The following POLI variants were observed in gnomAD, a reference collection of about 807,000 sequenced individuals.
POLI encodes DNA polymerase iota.
Under a neutral mutation model 51.6 loss-of-function variants are expected in POLI, and 58 were observed. The observed-to-expected ratio is 1.12, with a 90% confidence interval of 0.91 to 1.40. The LOEUF (loss-of-function observed/expected upper bound fraction) is 1.40. Ranked by LOEUF, POLI falls within the 40% of genes most tolerant of loss-of-function variation. The pLI, the probability that POLI is intolerant of heterozygous loss-of-function variation, is 0.00. For synonymous variants in POLI, 322 were observed against 299.7 expected, an observed-to-expected ratio of 1.07 and a Z score of -0.77; for missense variants, 921 against 871.3, an observed-to-expected ratio of 1.06 and a Z score of -0.72.
rs1599154963 is a variant in POLI, at chr18:54,272,715, A to G, written c.242-1211A>G. 2.0e-5 allele frequency among the ~76,000 whole-genome samples: 3 copies of G among 150,152 alleles called. No homozygotes were observed. In the South Asian group the frequency reaches 6.4e-4, roughly 32 times the overall value. On this transcript the variant is annotated intron_variant, in intron 2 of 9. Transcript: ENST00000579534. ...TCGTATGCTTGAATTCAGGCGATCC[A>G]CCTGCCTTGGCCTCCCAAAGTGCGG...
At chr18:54,289,058 G>A (rs2087874626) in intron 8 of POLI, among the ~76,000 whole-genome samples, 1 of 151,972 alleles carries the variant, frequency 6.6e-6, no homozygotes. Flanking sequence ...ATGTATTGTA[G>A]CAACTCTGGA....
chr18:54,274,054 C>T lies in POLI; in HGVS notation c.370C>T (p.Leu124=), dbSNP rs753085236. Reference sequence around the variant, plus strand: ...GTTGGTATTAGTTAATGGAGAAGACCTGACCCGCTACAGAGAAATGTCTTA... The same window carrying T: ...GTTGGTATTAGTTAATGGAGAAGACTTGACCCGCTACAGAGAAATGTCTTA... ...PQLVLVNGED[L]TRYREMSYKV... is the part of the protein sequence containing the mutation. The change falls in exon 3 of 10, where the codon CTG becomes TTG. Residue 124 remains leucine, a synonymous_variant. Transcript: ENST00000579534. 61 of 1,517,712 alleles carry T rather than the reference C, an allele frequency of 4.0e-5. No homozygotes were observed. In the Admixed American group the frequency reaches 5.2e-4, roughly 13 times the overall value. 94.0% of individuals were successfully genotyped at this position (1,517,712 alleles called of 1,614,324 possible).
At chr18:54,269,971 A>G in intron 1 of POLI, 2 of 1,135,488 alleles carry the variant, frequency 1.8e-6, no homozygotes, top group Non-Finnish European at 2.2e-6. Flanking sequence ...CGAAAACTGC[A>G]GAGGCTTCTG....
rs73487916 is a variant in POLI, at chr18:54,286,597, T to C, written c.1068-684T>C. On this transcript the variant is annotated intron_variant, in intron 7 of 9. Transcript: ENST00000579534. ...AAGTTCTTTTGTTATTTTTCACTTA[T>C]TTGCTTTTGTCAGTGAATGATTCAG... Among the ~76,000 whole-genome samples, 1,153 of 152,272 alleles carry C rather than the reference T, an allele frequency of 7.6e-3. 15 individuals are homozygous for C. Among genetic ancestry groups the C allele is most frequent in the African/African-American group, 0.026 (1,094 of 41,544 alleles).
At chr18:54,276,400 A>G (rs1181910046) in intron 3 of POLI, among the ~76,000 whole-genome samples, 1 of 152,120 alleles carries the variant, frequency 6.6e-6, no homozygotes, top group Admixed American at 6.6e-5. Flanking sequence ...GGACGGGATA[A>G]TTAGGGATTT....
intron 2 of POLI, among the ~76,000 whole-genome samples, chr18:54,273,556 T>C (rs1333084047): frequency 6.6e-6 from 1 of 152,086 alleles, no homozygotes; most frequent in Non-Finnish European, 1.5e-5. Flanking sequence ...ATGTAATACA[T>C]AGATTGCCTT....
At chr18:54,271,595 T>TAAGAAC in intron 2 of POLI, 110 bp downstream of exon 2, 2 of 750,050 alleles carry the variant, frequency 2.7e-6, no homozygotes, top group Non-Finnish European at 4.1e-6. Flanking sequence ...TTGGAAGCAG[T>TAAGAAC]TCTTACAGTG....
At chr18:54,280,615 A>G (rs999491405) in intron 4 of POLI, 52 bp from the exon 5 acceptor site, 18 of 1,256,614 alleles carry the variant, frequency 1.4e-5, no homozygotes, top group African/African-American at 7.5e-5. Context: ...TATTTTGTGA[A>G]AAAGAAAAAG....
chr18:54,317,269 G>C (rs1373570511), intron 3 of POLI, among the ~76,000 whole-genome samples: 1 of 152,136 alleles, frequency 6.6e-6, no homozygotes, highest in African/African-American at 2.4e-5. Context: ...TCCTTTCTCA[G>C]ATAACCCACA....
At chr18:54,309,383 C>T (rs933771728) in intron 3 of POLI, among the ~76,000 whole-genome samples, 6 of 152,192 alleles carry the variant, frequency 3.9e-5, no homozygotes, top group South Asian at 2.1e-4. Context: ...GGGTCCACTC[C>T]AGACCCTGTT....
intron 2 of POLI, chr18:54,272,194 A>G (rs1239856752): frequency 6.6e-6 from 1 of 152,166 alleles, no homozygotes; most frequent in African/African-American, 2.4e-5. Context: ...AATCCAGCCT[A>G]GCTGATTTAC....
At chr18:54,289,866 A>T (rs908679398) in intron 8 of POLI, among the ~76,000 whole-genome samples, 1 of 152,214 alleles carries the variant, frequency 6.6e-6, no homozygotes, top group Non-Finnish European at 1.5e-5. Context: ...AACTGAAATC[A>T]TAAAAACCCT....
intron 3 of POLI, among the ~76,000 whole-genome samples, chr18:54,307,081 C>G (rs2088598733): frequency 6.6e-6 from 1 of 152,162 alleles, no homozygotes; most frequent in Non-Finnish European, 1.5e-5. Flanking sequence ...TTTTGTGTCT[C>G]TATCTCCTTC....
intron 3 of POLI, among the ~76,000 whole-genome samples, chr18:54,276,343 G>T (rs1440248573): frequency 5.9e-5 from 9 of 152,156 alleles, no homozygotes; most frequent in African/African-American, 1.7e-4. Context: ...CTGGGCAACA[G>T]TGAGACCCTG....
chr18:54,281,138 G>A (rs1161437471), intron 5 of POLI, among the ~76,000 whole-genome samples: 2 of 152,082 alleles, frequency 1.3e-5, no homozygotes, highest in East Asian at 1.9e-4. Context: ...ATCTACTTTT[G>A]TATGGTTAGA....
At position 54,286,246 on chromosome 18, in the gene POLI, G is replaced by T. The variant is rs3730763; in HGVS notation, c.1068-1035G>T. On this transcript the variant is annotated intron_variant, in intron 7 of 9. Coordinates refer to ENST00000579534, the MANE Select transcript of POLI (RefSeq NM_007195.3). ...TACTTGCATTTTATGTTTGAGATTTGGTTTTATATGCATTGCCATGTGTAT... is the reference window on the plus strand; with the variant it reads ...TACTTGCATTTTATGTTTGAGATTTTGTTTTATATGCATTGCCATGTGTAT... Among the ~76,000 whole-genome samples the T allele has an allele frequency of 4.5e-3, 681 of 152,098 alleles. 6 individuals carry two copies. The highest frequency in any genetic ancestry group is 0.016 in the African/African-American group (649 of 41,478).
chr18:54,300,718 A>C (rs1029938525), downstream of POLI, among the ~76,000 whole-genome samples: 21 of 152,296 alleles, frequency 1.4e-4, no homozygotes, highest in African/African-American at 4.3e-4. Flanking sequence ...TGTGTATATA[A>C]AATTTTTTAA....
intron 3 of POLI, among the ~76,000 whole-genome samples, chr18:54,315,323 T>C (rs916335647): frequency 6.6e-6 from 1 of 152,064 alleles, no homozygotes; most frequent in Non-Finnish European, 1.5e-5. Flanking sequence ...GGTCTGAGAG[T>C]GTGCTTGGTG....
chr18:54,291,694 T>C lies in POLI; in HGVS notation c.1199-139T>C, dbSNP rs550192528. Reference sequence around the variant, plus strand: ...AAAATTTTTAACCATTTAGTATTAATATTGAAATGTCTTAATTTGGTATAT... The same window carrying C: ...AAAATTTTTAACCATTTAGTATTAACATTGAAATGTCTTAATTTGGTATAT... On this transcript the variant is annotated intron_variant, in intron 8 of 9. Transcript: ENST00000579534. 9 of 505,372 alleles carry C rather than the reference T, an allele frequency of 1.8e-5. No homozygotes were observed. In the South Asian group the frequency reaches 2.7e-4, roughly 15 times the overall value. 31.3% of individuals were successfully genotyped at this position (505,372 alleles called of 1,614,324 possible). A position where few individuals can be genotyped will look rare whatever the true frequency, so the allele number is the denominator to read the frequency against.
Sources: allele counts gnomAD v4.1 joint callset (sites outside exome capture counted in the v4.1 genomes callset), GRCh38; gene constraint gnomAD v4.1.1; transcripts MANE v1.5; gene names NCBI Gene and HGNC (gene_info 2026-07-23, HGNC 2026-07-21).